TENM4: variants seen among roughly 807,000 people sequenced by gnomAD.
The protein encoded by TENM4 is teneurin transmembrane protein 4.
Under a neutral mutation model 243.3 loss-of-function variants are expected in TENM4, and 82 were observed. The observed-to-expected ratio is 0.34, with a 90% CI of 0.28 to 0.40. The LOEUF is 0.40. Among genes scored for constraint, TENM4 ranks in the 10% least tolerant of loss-of-function variants. The probability of loss-of-function intolerance (pLI) is 1.00; values close to 1 mark genes in which losing one functional copy is unlikely to be tolerated. For missense variants in TENM4, 3,138 were observed against 3,673.3 expected (o/e 0.85, Z 3.77); for synonymous variants, 1,412 against 1,456.3 (o/e 0.97, Z 0.69).
At chr11:78,994,992 T>C (rs1858135912) in intron 6 of TENM4, among the ~76,000 whole-genome samples, 1 of 152,184 alleles carries the variant, frequency 6.6e-6, no homozygotes, top group Non-Finnish European at 1.5e-5. Flanking sequence ...AGATATGAAC[T>C]AAGAGATAAA....
intron 9 of TENM4, among the ~76,000 whole-genome samples, chr11:78,879,702 T>C (rs1454774183): frequency 6.7e-6 from 1 of 149,420 alleles, no homozygotes; most frequent in Non-Finnish European, 1.5e-5. Flanking sequence ...CAGCCCCATC[T>C]GGGAACTGAG....
intron 1 of TENM4, among the ~76,000 whole-genome samples, chr11:79,331,577 C>T (rs1484949060): frequency 6.6e-6 from 1 of 152,146 alleles, no homozygotes; most frequent in Non-Finnish European, 1.5e-5. Flanking sequence ...GATACAGTGT[C>T]CCCAACATCT....
At chr11:79,162,038 T>A (rs1862757798) in intron 3 of TENM4, among the ~76,000 whole-genome samples, 1 of 152,208 alleles carries the variant, frequency 6.6e-6, no homozygotes, top group Admixed American at 6.5e-5. Flanking sequence ...CAGTACCCCC[T>A]GTATGGCCTA....
intron 4 of TENM4, among the ~76,000 whole-genome samples, chr11:79,142,830 A>G (rs1454958431): frequency 2.6e-5 from 4 of 152,110 alleles, no homozygotes; most frequent in Admixed American, 6.6e-5. Context: ...ACAAATCTGC[A>G]TACCTACAGT....
chr11:79,280,023 G>A (rs1232503991), intron 2 of TENM4, among the ~76,000 whole-genome samples: 2 of 150,484 alleles, frequency 1.3e-5, no homozygotes, highest in South Asian at 2.1e-4. Context: ...CCTCCCCTCT[G>A]GAGGATGTGG....
chr11:78,677,314 A>C (rs1045725562), intron 29 of TENM4, among the ~76,000 whole-genome samples: 20 of 151,386 alleles, frequency 1.3e-4, no homozygotes, highest in Non-Finnish European at 1.0e-4. Context: ...CAGTAGTACA[A>C]TGTGATCATA....
At chr11:78,770,903 G>A (rs1226622746) in intron 18 of TENM4, 89 bp downstream of exon 18, 1 of 1,497,714 alleles carries the variant, frequency 6.7e-7, no homozygotes, top group Non-Finnish European at 8.9e-7. Context: ...TGGTGTGTTG[G>A]TGGCCTGTTA....
chr11:79,081,730 G>T (rs1363843149), intron 4 of TENM4, among the ~76,000 whole-genome samples: 1 of 152,156 alleles, frequency 6.6e-6, no homozygotes, highest in Non-Finnish European at 1.5e-5. Flanking sequence ...GCTCGTGGCT[G>T]ACACAGGTTT....
At chr11:78,994,813 A>C (rs1391796372) in intron 6 of TENM4, among the ~76,000 whole-genome samples, 2 of 152,234 alleles carry the variant, frequency 1.3e-5, no homozygotes, top group Admixed American at 1.3e-4. Flanking sequence ...GGTGAATAAG[A>C]CAAACAGAGA....
intron 1 of TENM4, among the ~76,000 whole-genome samples, chr11:79,397,578 C>G (rs1165592949): frequency 6.6e-6 from 1 of 152,140 alleles, no homozygotes; most frequent in Non-Finnish European, 1.5e-5. Flanking sequence ...AACTGCCACT[C>G]ATGGTCAAAA....
chr11:79,098,787 G>C (rs1007748034), intron 4 of TENM4, among the ~76,000 whole-genome samples: 6 of 152,178 alleles, frequency 3.9e-5, no homozygotes, highest in African/African-American at 7.2e-5. Flanking sequence ...AACGACATCA[G>C]GAACATCATC....
intron 1 of TENM4, among the ~76,000 whole-genome samples, chr11:79,365,627 C>T (rs115083945): frequency 1.5e-3 from 229 of 152,300 alleles, no homozygotes; most frequent in African/African-American, 5.3e-3. Context: ...ACAGCTACTG[C>T]CCTTTGGAGC....
Position 78,670,213 on chromosome 11 carries a change from G to A in TENM4, c.6132C>T (p.Ile2044=), listed in dbSNP as rs1858286400. The change falls in exon 32 of 34, where the codon ATC becomes ATT. Residue 2044 remains isoleucine (I), a synonymous_variant. Coordinates refer to ENST00000278550, the MANE Select transcript of TENM4 (RefSeq NM_001098816.3). ...YDETAGMLKT[I]NLQNEGFTCT... is the part of the protein sequence containing the mutation. ...AGGTGAAGCCCTCATTCTGTAGGTT[G>A]ATGGTCTTCAGCATGCCTGCCGTCT... 6.2e-7 allele frequency: 1 copy of A among 1,613,966 alleles called. No homozygotes were observed.
intron 6 of TENM4, among the ~76,000 whole-genome samples, chr11:78,964,779 A>C (rs985904249): frequency 5.9e-5 from 9 of 152,184 alleles, no homozygotes; most frequent in Admixed American, 4.6e-4. Flanking sequence ...TTGTGGAATG[A>C]GCTTTGGAGT....
At chr11:79,061,547 TA>T (rs1860086642) in intron 6 of TENM4, among the ~76,000 whole-genome samples, 1 of 152,226 alleles carries the variant, frequency 6.6e-6, no homozygotes. Context: ...GCTTGATTAA[TA>T]TGTCATTATC....
intron 22 of TENM4, among the ~76,000 whole-genome samples, chr11:78,727,231 G>C (rs7926118): frequency 6.6e-6 from 1 of 151,938 alleles, no homozygotes; most frequent in Non-Finnish European, 1.5e-5. Flanking sequence ...GGCGGATCAC[G>C]AGGTCAGGAG....
rs552226028 is a variant in TENM4 at position 79,094,405 on chromosome 11, C to T, written c.-65-24396G>A. Among the ~76,000 whole-genome samples the T allele has an allele frequency of 2.0e-5, 3 of 152,284 alleles. No homozygotes were observed. The South Asian group carries it at 6.2e-4, about 32-fold the overall frequency. On this transcript the variant is annotated intron_variant, in intron 4 of 33. Coordinates refer to ENST00000278550, the MANE Select transcript of TENM4 (RefSeq NM_001098816.3). ...GGGTGTGAAAAGAGTTGTCCAAGAC[C>T]CCATGCCTAGGAAACAGTAGGGCTG...
At chr11:78,814,914 C>G (rs941097970) in intron 12 of TENM4, among the ~76,000 whole-genome samples, 2 of 152,250 alleles carry the variant, frequency 1.3e-5, no homozygotes, top group African/African-American at 4.8e-5. Flanking sequence ...AGCCACTACA[C>G]CAGCCTGAGG....
At chr11:78,825,162 G>T (rs1431268111) in intron 12 of TENM4, among the ~76,000 whole-genome samples, 1 of 152,208 alleles carries the variant, frequency 6.6e-6, no homozygotes, top group African/African-American at 2.4e-5. Context: ...GAAGGCTTTA[G>T]CCTTTAGAGT....
Sources: gnomAD v4.1 joint callset for allele counts (sites outside exome capture counted in the v4.1 genomes callset) on GRCh38, gnomAD v4.1.1 for gene constraint, MANE v1.5 for transcripts, NCBI Gene and HGNC (gene_info 2026-07-23, HGNC 2026-07-21) for gene names.